The following AUTS2 variants were observed in gnomAD, a reference collection of about 807,000 sequenced individuals.
AUTS2 encodes autism susceptibility gene 2 protein.
In AUTS2, 17 loss-of-function variants were observed where a neutral mutation model predicts 112.4. The ratio of observed to expected loss-of-function variants is 0.15; its 90% CI spans 0.10 to 0.23. AUTS2 has a LOEUF of 0.23. AUTS2 is among the 10% of genes least tolerant of loss of function. The pLI is 1.00. For missense variants in AUTS2, 1,510 were observed against 1,701.6 expected, an observed-to-expected ratio of 0.89 and a Z score of 1.98; for synonymous variants, 751 against 702.7, an observed-to-expected ratio of 1.07 and a Z score of -1.09.
At chr7:69,627,484 G>A (rs1419041363) in intron 1 of AUTS2, among the ~76,000 whole-genome samples, 3 of 151,666 alleles carry the variant, frequency 2.0e-5, no homozygotes, top group African/African-American at 4.8e-5. Flanking sequence ...AGAGTGAAAC[G>A]CCGTCTCAAA....
intron 6 of AUTS2, among the ~76,000 whole-genome samples, chr7:70,751,064 G>T (rs1788808402): frequency 6.6e-6 from 1 of 152,170 alleles, no homozygotes; most frequent in African/African-American, 2.4e-5. Flanking sequence ...TGATGTCTCT[G>T]TTATCAAAAG....
intron 5 of AUTS2, among the ~76,000 whole-genome samples, chr7:70,670,675 A>T (rs1807589780): frequency 6.6e-6 from 1 of 151,172 alleles, no homozygotes; most frequent in Non-Finnish European, 1.5e-5. Context: ...AAATAAGGGG[A>T]CCTTCCTTTA....
intron 4 of AUTS2, among the ~76,000 whole-genome samples, chr7:70,347,819 C>G (rs1352210742): frequency 6.6e-6 from 1 of 152,194 alleles, no homozygotes; most frequent in East Asian, 1.9e-4. Context: ...TCCTTCTACC[C>G]TCTGGGAGAC....
At chr7:69,933,984 T>G (rs1352333938) in intron 2 of AUTS2, among the ~76,000 whole-genome samples, 1 of 152,248 alleles carries the variant, frequency 6.6e-6, no homozygotes, top group Non-Finnish European at 1.5e-5. Flanking sequence ...AATTCTGCAC[T>G]GGTTTGTACT....
intron 1 of AUTS2, among the ~76,000 whole-genome samples, chr7:69,825,165 C>T (rs1218518147): frequency 6.6e-6 from 1 of 152,118 alleles, no homozygotes; most frequent in African/African-American, 2.4e-5. Flanking sequence ...GCCACATGTC[C>T]TTTAACAATT....
chr7:69,912,128 A>T (rs1465130960), intron 2 of AUTS2, among the ~76,000 whole-genome samples: 3 of 152,072 alleles, frequency 2.0e-5, no homozygotes, highest in Admixed American at 2.0e-4. Context: ...ATGCCACCCG[A>T]GTGCATGCAT....
At chr7:70,171,599 A>T (rs1258361809) in intron 4 of AUTS2, among the ~76,000 whole-genome samples, 1 of 152,234 alleles carries the variant, frequency 6.6e-6, no homozygotes, top group Non-Finnish European at 1.5e-5. Flanking sequence ...GAAGATTATT[A>T]TATAGACATT....
At chr7:70,648,405 G>A (rs950192373) in intron 5 of AUTS2, among the ~76,000 whole-genome samples, 1 of 152,146 alleles carries the variant, frequency 6.6e-6, no homozygotes, top group African/African-American at 2.4e-5. Context: ...TCAGGGACAG[G>A]CGTGGGAGCA....
chr7:70,061,135 G>A (rs1339983491), intron 2 of AUTS2, among the ~76,000 whole-genome samples: 1 of 152,216 alleles, frequency 6.6e-6, no homozygotes, highest in Non-Finnish European at 1.5e-5. Flanking sequence ...GACCTCTCAA[G>A]GGTTCATTCT....
intron 2 of AUTS2, among the ~76,000 whole-genome samples, chr7:70,061,354 G>A (rs550218714): frequency 1.1e-4 from 16 of 152,198 alleles, no homozygotes; most frequent in Admixed American, 8.5e-4. Context: ...TGATTCTGGT[G>A]TTTTCTTTCC....
At chr7:69,614,368 T>TTTCTTTCTTTCTTTCTTTCTTTCTTTTC in intron 1 of AUTS2, among the ~76,000 whole-genome samples, 1 of 19,534 alleles carries the variant, frequency 5.1e-5, no homozygotes, top group African/African-American at 1.9e-4. Flanking sequence ...TTCTTTCTTT[T>TTTCTTTCTTTCTTTCTTTCTTTCTTTTC]TTTAAGAGAT....
chr7:69,605,028 A>G (rs1308531138), intron 1 of AUTS2, among the ~76,000 whole-genome samples: 2 of 152,224 alleles, frequency 1.3e-5, no homozygotes, highest in Non-Finnish European at 1.5e-5. Flanking sequence ...TTAAAAGTCT[A>G]TTGTGTGAAT....
chr7:70,528,500 A>G (rs1274494949), intron 5 of AUTS2, among the ~76,000 whole-genome samples: 1 of 152,210 alleles, frequency 6.6e-6, no homozygotes, highest in African/African-American at 2.4e-5. Context: ...AATTTGCATT[A>G]TAGAAATTAG....
chr7:69,718,422 C>T (rs1798736820), intron 1 of AUTS2, among the ~76,000 whole-genome samples: 1 of 152,160 alleles, frequency 6.6e-6, no homozygotes, highest in Admixed American at 6.5e-5. Flanking sequence ...TCTATGACCT[C>T]ATCTTTTTCC....
chr7:70,607,711 A>G (rs1200744031), intron 5 of AUTS2, among the ~76,000 whole-genome samples: 1 of 152,238 alleles, frequency 6.6e-6, no homozygotes, highest in Non-Finnish European at 1.5e-5. Context: ...GATGTTGCCC[A>G]TGTGATTAAG....
intron 1 of AUTS2, among the ~76,000 whole-genome samples, chr7:69,780,570 AT>A (rs986877009): frequency 1.3e-5 from 2 of 152,206 alleles, no homozygotes; most frequent in Admixed American, 1.3e-4. Flanking sequence ...TGATCAGACC[AT>A]TTGATGCTAA....
chr7:70,685,971 G>A (rs1808455527), intron 5 of AUTS2, among the ~76,000 whole-genome samples: 1 of 152,148 alleles, frequency 6.6e-6, no homozygotes, highest in African/African-American at 2.4e-5. Flanking sequence ...TTATACATGG[G>A]TGCAATGACA....
chr7:69,813,198 C>CATT (rs1466134637), intron 1 of AUTS2, among the ~76,000 whole-genome samples: 1 of 152,148 alleles, frequency 6.6e-6, no homozygotes, highest in Non-Finnish European at 1.5e-5. Flanking sequence ...AGAGTCTTTG[C>CATT]ATTATTGTTC....
Position 69,989,959 on chromosome 7 carries a change from C to A in AUTS2, c.522+90461C>A, listed in dbSNP as rs564089318. On this transcript the variant is annotated intron_variant, in intron 2 of 18. Transcript: ENST00000342771. ...TAATGCCTGATGATCTGAGGTGGAA[C>A]AGGTGCATCCCAACACCATCGCCCT... Among the ~76,000 whole-genome samples, 44 of 152,290 alleles carry A rather than the reference C, an allele frequency of 2.9e-4. No individual in the cohort carries two copies. The South Asian group carries it at 5.8e-3, about 20-fold the overall frequency.
Sources: allele counts gnomAD v4.1 joint callset (sites outside exome capture counted in the v4.1 genomes callset), GRCh38; gene constraint gnomAD v4.1.1; transcripts MANE v1.5; gene names NCBI Gene and HGNC (gene_info 2026-07-23, HGNC 2026-07-21).